The following NPFFR1 variants were observed in gnomAD, a reference collection of about 807,000 sequenced individuals.
NPFFR1 encodes the protein G-protein coupled receptor 147.
Under a neutral mutation model 12.7 loss-of-function variants are expected in NPFFR1, and 17 were observed. That is an observed-to-expected ratio of 1.34 (90% CI 0.92 to 2.01). NPFFR1 has a LOEUF of 2.01. Ranked by LOEUF, NPFFR1 falls within the 30% of genes most tolerant of loss-of-function variation. The pLI, the probability that NPFFR1 is intolerant of heterozygous loss-of-function variation, is 0.00. For missense variants in NPFFR1, 604 were observed against 606.5 expected, an observed-to-expected ratio of 1.00 and a Z score of 0.04; for synonymous variants, 296 against 264.5, an observed-to-expected ratio of 1.12 and a Z score of -1.16.
chr10:70,281,606 A>G (rs1430675119), intron 1 of NPFFR1, among the ~76,000 whole-genome samples: 3 of 152,152 alleles, frequency 2.0e-5, no homozygotes, highest in Admixed American at 2.0e-4. Context: ...CCAATAATAA[A>G]CCTATGTAAT....
rs1311523536 is a variant in NPFFR1, at chr10:70,283,795, G to A, written c.-119C>T. On this transcript the variant is annotated 5_prime_UTR_variant, in exon 1 of 4. Transcript: ENST00000277942. ...GGTTGCGGGCTGCGCCCCTGCCTCC[G>A]CGCTCCGCAGGTCCGGTCGGTCCGG... is the stretch of plus-strand genomic sequence containing the variant. 2 of 1,148,814 alleles carry A rather than the reference G, an allele frequency of 1.7e-6. No individual in the cohort carries two copies. The highest frequency in any genetic ancestry group is 1.2e-6 in the Non-Finnish European group (1 of 804,010). 71.2% of individuals were successfully genotyped at this position (1,148,814 alleles called of 1,614,324 possible). A position where few individuals can be genotyped will look rare whatever the true frequency, so the allele number is the denominator to read the frequency against.
At chr10:70,266,050 C>A (rs369280022) in intron 2 of NPFFR1, 27 bp downstream of exon 2, 9 of 1,602,556 alleles carry the variant, frequency 5.6e-6, no homozygotes, top group Admixed American at 3.3e-5. Flanking sequence ...GTAGGGGACA[C>A]TCCTGCTGCC....
At chr10:70,257,441 TGTTTACAAACA>T (rs1840583358) in intron 3 of NPFFR1, among the ~76,000 whole-genome samples, 1 of 152,246 alleles carries the variant, frequency 6.6e-6, no homozygotes, top group African/African-American at 2.4e-5. Context: ...GTTAACAAAA[TGTTTACAAACA>T]GTATACTTGG....
Position 70,255,700 on chromosome 10 carries a change from G to A in NPFFR1, c.550C>T (p.Arg184Cys), listed in dbSNP as rs1326965383. ...TCCACCATGAAGTGGTGCTCCTCAC[G>A]GGTGACGGTCAGCGTGACGGCCGAG... Reference protein sequence around the residue: ...CPSAVTLTVTREEHHFMVDAR... With the variant: ...CPSAVTLTVTCEEHHFMVDAR... The change falls in exon 4 of 4, where the codon CGT (arginine) becomes TGT (cysteine). Residue 184 changes from arginine (R) to cysteine (C), a missense_variant. Coordinates refer to ENST00000277942, the MANE Select transcript of NPFFR1 (RefSeq NM_022146.5). The surrounding 1 kb of genome is among the most constrained non-coding windows in gnomAD (Gnocchi z 4.2). 1 of 1,606,902 alleles carries A rather than the reference G, an allele frequency of 6.2e-7. No individual in the cohort carries two copies. Among genetic ancestry groups the A allele is most frequent in the South Asian group, 1.1e-5 (1 of 89,562 alleles).
Position 70,255,154 on chromosome 10 carries a change from C to G in NPFFR1, c.1096G>C (p.Gly366Arg), listed in dbSNP as rs1840548805. The G allele has an allele frequency of 1.3e-6, 2 of 1,540,448 alleles. No homozygotes were observed. The highest frequency in any genetic ancestry group is 1.7e-6 in the Non-Finnish European group (2 of 1,144,970). Reference sequence around the variant, plus strand: ...ACGAAGACCCGCCTGTGCAGAAGCCCGCCGGGCCGCTCGGAGTAGGCCTCC... The same window carrying G: ...ACGAAGACCCGCCTGTGCAGAAGCCGGCCGGGCCGCTCGGAGTAGGCCTCC... ...HKEAYSERPG[G>R]LLHRRVFVVV... The change falls in exon 4 of 4, where the codon GGG becomes CGG. Residue 366 changes from glycine to arginine, a missense_variant. Coordinates refer to ENST00000277942, the MANE Select transcript of NPFFR1 (RefSeq NM_022146.5). This position sits in a 1 kb window ranked among gnomAD's most constrained non-coding sequence, Gnocchi z 4.2.
At chr10:70,276,138 G>C (rs1407640613) in intron 1 of NPFFR1, among the ~76,000 whole-genome samples, 1 of 152,162 alleles carries the variant, frequency 6.6e-6, no homozygotes, top group Non-Finnish European at 1.5e-5. Context: ...CCTTCCTGAG[G>C]CTTCTGCTAC....
intron 1 of NPFFR1, among the ~76,000 whole-genome samples, chr10:70,280,767 G>A (rs1359073012): frequency 6.6e-6 from 1 of 152,144 alleles, no homozygotes; most frequent in East Asian, 1.9e-4. Context: ...ACTTTGAAGG[G>A]CCGAGGCGGG....
intron 1 of NPFFR1, among the ~76,000 whole-genome samples, chr10:70,275,010 G>C (rs1440643970): frequency 6.6e-6 from 1 of 152,184 alleles, no homozygotes; most frequent in Non-Finnish European, 1.5e-5. Flanking sequence ...CTGAACCAAA[G>C]CCCCTCCATC....
At chr10:70,256,805 A>G (rs1840577499) in intron 3 of NPFFR1, among the ~76,000 whole-genome samples, 1 of 152,212 alleles carries the variant, frequency 6.6e-6, no homozygotes, top group South Asian at 2.1e-4. Context: ...GTCTTGCTTC[A>G]TATGCCATAT....
In NPFFR1 at chr10:70,255,677, C is replaced by A; in HGVS notation, c.573G>T (p.Val191=). 6.2e-7 allele frequency: 1 copy of A among 1,603,662 alleles called. No individual in the cohort carries two copies. The highest frequency in any genetic ancestry group is 1.7e-5 in the Admixed American group (1 of 58,582). The change falls in exon 4 of 4, where the codon GTG becomes GTT. Residue 191 remains valine, a synonymous_variant. Coordinates refer to ENST00000277942, the MANE Select transcript of NPFFR1 (RefSeq NM_022146.5). This position sits in a 1 kb window ranked among gnomAD's most constrained non-coding sequence, Gnocchi z 4.2. ...TVTREEHHFM[V]DARNRSYPLY... The stretch of plus-strand genomic sequence containing the variant: ...GCGGGTAGGAGCGGTTGCGGGCGTC[C>A]ACCATGAAGTGGTGCTCCTCACGGG...
chr10:70,277,933 G>GA (rs775542834), intron 1 of NPFFR1: 4 of 519,440 alleles, frequency 7.7e-6, no homozygotes, highest in South Asian at 2.8e-5. Context: ...CTAGATGTTG[G>GA]GGAAGACTTC....
rs1421891224 is a variant in NPFFR1 at position 70,284,001 on chromosome 10, A to C, written c.-325T>G. 6.6e-6 allele frequency among the ~76,000 whole-genome samples: 1 copy of C among 151,914 alleles called. No homozygotes were observed. Among genetic ancestry groups the C allele is most frequent in the Non-Finnish European group, 1.5e-5 (1 of 67,920 alleles). Reference sequence around the variant, plus strand: ...GGCGCAGTCGTCATGGCACCCGCGCACCTGTGCCCGCCGAGCGAGGGCGCC... The same window carrying C: ...GGCGCAGTCGTCATGGCACCCGCGCCCCTGTGCCCGCCGAGCGAGGGCGCC... On this transcript the variant is annotated 5_prime_UTR_variant, in exon 1 of 4. Transcript: ENST00000277942.
chr10:70,268,842 G>A (rs1286125270), intron 1 of NPFFR1, among the ~76,000 whole-genome samples: 2 of 152,230 alleles, frequency 1.3e-5, no homozygotes, highest in Admixed American at 1.3e-4. Flanking sequence ...TGGATAAATA[G>A]TTTCTCCTGT....
At chr10:70,275,910 T>C (rs1840799822) in intron 1 of NPFFR1, among the ~76,000 whole-genome samples, 1 of 152,210 alleles carries the variant, frequency 6.6e-6, no homozygotes, top group Non-Finnish European at 1.5e-5. Flanking sequence ...GCTCTAAGAA[T>C]ACAGCATGCA....
rs1052466553 is a variant in NPFFR1 at position 70,247,481 on chromosome 10, C to G, written c.*7476G>C. 1 of 152,102 alleles carries G rather than the reference C, an allele frequency of 6.6e-6. No individual in the cohort carries two copies. Among genetic ancestry groups the G allele is most frequent in the Admixed American group, 6.5e-5 (1 of 15,282 alleles). The allele number at this position is 152,102 out of a possible 1,614,324, so 9.4% of individuals were successfully genotyped here. A position where few individuals can be genotyped will look rare whatever the true frequency, so the allele number is the denominator to read the frequency against. Reference sequence around the variant, plus strand: ...GACAGCACTATGGACAAACAAAATGCACTACACAACATACTCCTCCTGGGG... The same window carrying G: ...GACAGCACTATGGACAAACAAAATGGACTACACAACATACTCCTCCTGGGG... On this transcript the variant is annotated 3_prime_UTR_variant, in exon 4 of 4. Transcript: ENST00000277942.
rs1268887369 is a variant in NPFFR1, at chr10:70,249,479, A to G, written c.*5478T>C. On this transcript the variant is annotated 3_prime_UTR_variant, in exon 4 of 4. Transcript: ENST00000277942. ...TGTGCTAAAGTCTCTACAATAAAAT[A>G]TTATTATTATTATTATTATTTGAGA... 6.6e-6 allele frequency: 1 copy of G among 150,996 alleles called. No individual in the cohort carries two copies. Among genetic ancestry groups the G allele is most frequent in the Non-Finnish European group, 1.5e-5 (1 of 67,802 alleles). The allele number at this position is 150,996 out of a possible 1,614,324, so 9.4% of individuals were successfully genotyped here. A position where few individuals can be genotyped will look rare whatever the true frequency, so the allele number is the denominator to read the frequency against.
At chr10:70,280,413 A>G (rs1840848359) in intron 1 of NPFFR1, among the ~76,000 whole-genome samples, 1 of 152,224 alleles carries the variant, frequency 6.6e-6, no homozygotes, top group Admixed American at 6.5e-5. Flanking sequence ...TCTTTTTGGT[A>G]AAAGCCATCC....
rs888135859 is a variant in NPFFR1, at chr10:70,254,567, T to C, written c.*390A>G. 1 of 185,868 alleles carries C rather than the reference T, an allele frequency of 5.4e-6. No individual in the cohort carries two copies. Among genetic ancestry groups the C allele is most frequent in the East Asian group, 1.4e-4 (1 of 7,348 alleles). The allele number at this position is 185,868 out of a possible 1,614,324, so 11.5% of individuals were successfully genotyped here. On this transcript the variant is annotated 3_prime_UTR_variant, in exon 4 of 4. Coordinates refer to ENST00000277942, the MANE Select transcript of NPFFR1 (RefSeq NM_022146.5). ...CCCTCTTGGAGCCAGCTGGAGATGATAAAAACCACACAGGTATTGGAGTCA... is the reference window on the plus strand; with the variant it reads ...CCCTCTTGGAGCCAGCTGGAGATGACAAAAACCACACAGGTATTGGAGTCA...
In NPFFR1 at chr10:70,283,776, G is replaced by A; in HGVS notation, c.-100C>T. On this transcript the variant is annotated 5_prime_UTR_variant, in exon 1 of 4. Transcript: ENST00000277942. ...GGACGGTCTCCGGGCACTTGGTTGC[G>A]GGCTGCGCCCCTGCCTCCGCGCTCC... 1 of 1,369,530 alleles carries A rather than the reference G, an allele frequency of 7.3e-7. No individual in the cohort carries two copies. 84.8% of individuals were successfully genotyped at this position (1,369,530 alleles called of 1,614,324 possible). A position where few individuals can be genotyped will look rare whatever the true frequency, so the allele number is the denominator to read the frequency against.
Sources: allele counts gnomAD v4.1 joint callset (sites outside exome capture counted in the v4.1 genomes callset), GRCh38; gene constraint gnomAD v4.1.1; non-coding constraint Gnocchi (gnomAD v3.1); transcripts MANE v1.5; gene names NCBI Gene and HGNC (gene_info 2026-07-23, HGNC 2026-07-21).